Variants in GPC5 observed in about 807,000 individuals in gnomAD.
GPC5 encodes glypican-5.
Under a neutral mutation model 53.9 loss-of-function variants are expected in GPC5, and 47 were observed. That is an observed-to-expected ratio of 0.87 (90% CI 0.69 to 1.11). The LOEUF is 1.11. Ranked by LOEUF, GPC5 falls within the 50% of genes most tolerant of loss-of-function variation. The probability of loss-of-function intolerance (pLI) is 0.00; values close to 1 mark genes in which losing one functional copy is unlikely to be tolerated. For synonymous variants in GPC5, 286 were observed against 263.3 expected (o/e 1.09, Z -0.84); for missense variants, 748 against 713.1 (o/e 1.05, Z -0.56).
At chr13:91,905,694 C>A (rs996794961) in intron 5 of GPC5, among the ~76,000 whole-genome samples, 10 of 151,976 alleles carry the variant, frequency 6.6e-5, no homozygotes, top group Non-Finnish European at 8.8e-5. Context: ...AAACATAGAA[C>A]CTTCTTTTAT....
At chr13:92,765,349 T>G (rs910280109) in intron 7 of GPC5, among the ~76,000 whole-genome samples, 8 of 152,220 alleles carry the variant, frequency 5.3e-5, no homozygotes, top group African/African-American at 1.9e-4. Flanking sequence ...TTTTTACCCT[T>G]GAGGCATCAT....
chr13:92,574,754 G>A (rs1355701820), intron 7 of GPC5, among the ~76,000 whole-genome samples: 1 of 152,144 alleles, frequency 6.6e-6, no homozygotes, highest in African/African-American at 2.4e-5. Flanking sequence ...GAGAGCAGCT[G>A]AGATTGCCCT....
chr13:91,398,939 G>T lies in GPC5; in HGVS notation c.-108G>T, dbSNP rs1594034475. 3.6e-6 allele frequency: 5 copies of T among 1,402,496 alleles called. No individual in the cohort carries two copies. In the East Asian group the frequency reaches 1.0e-4, roughly 29 times the overall value. 86.9% of individuals were successfully genotyped at this position (1,402,496 alleles called of 1,614,324 possible). A position where few individuals can be genotyped will look rare whatever the true frequency, so the allele number is the denominator to read the frequency against. ...GGTCCGTACACCCCGCAGCCGGCTC[G>T]CACCGCTCGAGAGCCTCGGCCGCTG... On this transcript the variant is annotated 5_prime_UTR_variant, in exon 1 of 8. Coordinates refer to ENST00000377067, the MANE Select transcript of GPC5 (RefSeq NM_004466.6).
Position 92,151,440 on chromosome 13 carries a change from A to G in GPC5, c.1561+6451A>G, listed in dbSNP as rs908587960. On this transcript the variant is annotated intron_variant, in intron 7 of 7. Coordinates refer to ENST00000377067, the MANE Select transcript of GPC5 (RefSeq NM_004466.6). ...TATTTGTATCTCTAAAATACTCTCT[A>G]TTAAAGCATGATGAAATTTTTTAAA... Among the ~76,000 whole-genome samples the G allele has an allele frequency of 5.9e-5, 9 of 152,232 alleles. 1 individual carries two copies. In the South Asian group the frequency reaches 6.2e-4, roughly 11 times the overall value.
At chr13:92,321,071 G>A (rs2043212605) in intron 7 of GPC5, among the ~76,000 whole-genome samples, 1 of 151,754 alleles carries the variant, frequency 6.6e-6, no homozygotes, top group African/African-American at 2.4e-5. Flanking sequence ...AAAAGTATGT[G>A]GAAGATATCT....
chr13:91,452,184 C>T (rs1881228226), intron 2 of GPC5, among the ~76,000 whole-genome samples: 1 of 151,866 alleles, frequency 6.6e-6, no homozygotes, highest in African/African-American at 2.4e-5. Context: ...GGGTTTTGCC[C>T]TGTTGCCCCA....
At chr13:91,965,066 C>T (rs1357994940) in intron 6 of GPC5, among the ~76,000 whole-genome samples, 2 of 118,810 alleles carry the variant, frequency 1.7e-5, no homozygotes, top group Admixed American at 2.4e-4. Context: ...GGGAACATCA[C>T]ACACTGGGGC....
In GPC5 at chr13:91,874,669, C is replaced by T. The variant is rs531354921; in HGVS notation, c.1281-33268C>T. 2.0e-5 allele frequency among the ~76,000 whole-genome samples: 3 copies of T among 152,240 alleles called. No individual in the cohort carries two copies. The South Asian group carries it at 6.2e-4, about 32-fold the overall frequency. ...AGCCATGGAGAATTCTGAAATACAG[C>T]TTAGGCAAGAAATAAGGCAACCAAA... On this transcript the variant is annotated intron_variant, in intron 5 of 7. Transcript: ENST00000377067.
chr13:91,719,196 G>C (rs1478815922), intron 3 of GPC5, among the ~76,000 whole-genome samples: 1 of 152,234 alleles, frequency 6.6e-6, no homozygotes, highest in Non-Finnish European at 1.5e-5. Flanking sequence ...AATAGCACGT[G>C]TTCTAGAATC....
chr13:92,806,689 G>C (rs1220129627), intron 7 of GPC5, among the ~76,000 whole-genome samples: 1 of 151,972 alleles, frequency 6.6e-6, no homozygotes. Flanking sequence ...AGGGAGATGG[G>C]GGAATGGCTG....
intron 6 of GPC5, among the ~76,000 whole-genome samples, chr13:91,927,639 C>A (rs1313552862): frequency 6.6e-6 from 1 of 152,062 alleles, no homozygotes; most frequent in Non-Finnish European, 1.5e-5. Flanking sequence ...CTAGGAAGAA[C>A]AACTTATGGA....
chr13:92,318,531 T>C (rs1295371618), intron 7 of GPC5, among the ~76,000 whole-genome samples: 5 of 152,204 alleles, frequency 3.3e-5, no homozygotes, highest in Admixed American at 2.6e-4. Flanking sequence ...AATTACTTAA[T>C]TGTTAAGTAT....
At chr13:92,671,013 A>G (rs112303928) in intron 7 of GPC5, among the ~76,000 whole-genome samples, 31 of 152,290 alleles carry the variant, frequency 2.0e-4, no homozygotes, top group African/African-American at 6.7e-4. Context: ...ACCCGTAAGC[A>G]TAATAGTACA....
intron 7 of GPC5, among the ~76,000 whole-genome samples, chr13:92,147,496 CTTTT>C (rs1419713209): frequency 6.6e-6 from 1 of 151,938 alleles, no homozygotes; most frequent in African/African-American, 2.4e-5. Context: ...GTACGTCACT[CTTTT>C]TTGTTTGTTT....
chr13:92,411,179 A>G (rs1876026843), intron 7 of GPC5, among the ~76,000 whole-genome samples: 1 of 152,194 alleles, frequency 6.6e-6, no homozygotes, highest in Non-Finnish European at 1.5e-5. Flanking sequence ...CTGAGGCAAG[A>G]GAATCACTTG....
chr13:91,688,213 T>G (rs2035664237), intron 2 of GPC5, among the ~76,000 whole-genome samples: 1 of 152,110 alleles, frequency 6.6e-6, no homozygotes, highest in African/African-American at 2.4e-5. Context: ...TAATTAAAAA[T>G]TAGTACAAAA....
chr13:91,912,797 C>CT (rs200567995), intron 6 of GPC5, among the ~76,000 whole-genome samples: 12 of 151,950 alleles, frequency 7.9e-5, no homozygotes, highest in Non-Finnish European at 1.5e-4. Context: ...TTTTTGGCAT[C>CT]TTTTTTTTCC....
chr13:92,253,317 T>G (rs1475474564), intron 7 of GPC5, among the ~76,000 whole-genome samples: 1 of 152,036 alleles, frequency 6.6e-6, no homozygotes, highest in Non-Finnish European at 1.5e-5. Flanking sequence ...GGTTTGGACC[T>G]CACACAAAGA....
At chr13:92,160,732 T>C (rs1387828395) in intron 7 of GPC5, among the ~76,000 whole-genome samples, 1 of 152,154 alleles carries the variant, frequency 6.6e-6, no homozygotes, top group Non-Finnish European at 1.5e-5. Context: ...GAGCCAACTC[T>C]ACAGAACAGG....
Sources: gnomAD v4.1 joint callset for allele counts (sites outside exome capture counted in the v4.1 genomes callset) on GRCh38, gnomAD v4.1.1 for gene constraint, MANE v1.5 for transcripts, NCBI Gene and HGNC (gene_info 2026-07-23, HGNC 2026-07-21) for gene names.